Variants in KCNK13 observed in about 807,000 individuals in gnomAD.
The protein encoded by KCNK13 is potassium channel subfamily K member 13.
A neutral mutation model predicts 23.4 loss-of-function variants in KCNK13; 12 were observed. That is an observed-to-expected ratio of 0.51 (90% CI 0.33 to 0.83). The LOEUF (loss-of-function observed/expected upper bound fraction) is 0.83. Among genes scored for constraint, KCNK13 ranks in the 40% least tolerant of loss-of-function variants. KCNK13 has a pLI of 0.02. For missense variants in KCNK13, 463 were observed against 556.3 expected, an observed-to-expected ratio of 0.83 and a Z score of 1.69; for synonymous variants, 231 against 229.5, an observed-to-expected ratio of 1.01 and a Z score of -0.06.
At chr14:90,109,714 AT>A (rs78666512) in intron 1 of KCNK13, among the ~76,000 whole-genome samples, 2,449 of 114,498 alleles carry the variant, frequency 0.021, 52 homozygotes, top group African/African-American at 0.071. Context: ...CTGGCCCTTT[AT>A]TTTTTTTTTT....
intron 1 of KCNK13, among the ~76,000 whole-genome samples, chr14:90,173,154 C>A (rs143117894): frequency 2.8e-3 from 431 of 152,254 alleles, no homozygotes; most frequent in African/African-American, 0.01. Flanking sequence ...CGAATGAAAA[C>A]CACTATGTAT....
chr14:90,096,084 C>T (rs372402124), intron 1 of KCNK13, among the ~76,000 whole-genome samples: 2 of 152,196 alleles, frequency 1.3e-5, no homozygotes, highest in Non-Finnish European at 2.9e-5. Context: ...CAGGGTGAAC[C>T]ACCCTCCAGG....
chr14:90,068,600 T>C (rs1889036039), intron 1 of KCNK13, among the ~76,000 whole-genome samples: 1 of 152,046 alleles, frequency 6.6e-6, no homozygotes, highest in African/African-American at 2.4e-5. Context: ...CAAGACCCTG[T>C]CTCAAGCAAA....
chr14:90,145,895 G>A (rs572286801), intron 1 of KCNK13, among the ~76,000 whole-genome samples: 1 of 152,030 alleles, frequency 6.6e-6, no homozygotes, highest in Non-Finnish European at 1.5e-5. Context: ...CAAATACTGG[G>A]GGGGTGGGGA....
intron 1 of KCNK13, among the ~76,000 whole-genome samples, chr14:90,168,424 T>C: frequency 6.6e-6 from 1 of 152,042 alleles, no homozygotes; most frequent in Admixed American, 6.6e-5. Flanking sequence ...GATATTGTTA[T>C]CCTTTGCTGG....
At chr14:90,177,293 C>G (rs1162153063) in intron 1 of KCNK13, 1 of 152,122 alleles carries the variant, frequency 6.6e-6, no homozygotes, top group African/African-American at 2.4e-5. Flanking sequence ...TGTTCTACTC[C>G]TTCCCCCATT....
At position 90,093,327 on chromosome 14, in the gene KCNK13, G is replaced by A. The variant is rs545022085; in HGVS notation, c.334+30788G>A. Among the ~76,000 whole-genome samples, 19 of 152,324 alleles carry A rather than the reference G, an allele frequency of 1.2e-4. No individual in the cohort carries two copies. In the South Asian group the frequency reaches 3.9e-3, roughly 32 times the overall value. ...GCAGAACGTTCCCCAAACACATGGT[G>A]TAGAATTGCTATTGTTCTCCCAGCA... On this transcript the variant is annotated intron_variant, in intron 1 of 1. Coordinates refer to ENST00000282146, the MANE Select transcript of KCNK13 (RefSeq NM_022054.4).
At position 90,185,824 on chromosome 14, in the gene KCNK13, G is replaced by A. The variant is rs922108840; in HGVS notation, c.*821G>A. ...AAAGATGATGACTATTTAATAAAAT[G>A]GAAAATTTAATAAATCCTCATTTTA... On this transcript the variant is annotated 3_prime_UTR_variant, in exon 2 of 2. Coordinates refer to ENST00000282146, the MANE Select transcript of KCNK13 (RefSeq NM_022054.4). 3.3e-5 allele frequency: 5 copies of A among 152,114 alleles called. No homozygotes were observed. Among genetic ancestry groups the A allele is most frequent in the Non-Finnish European group, 7.4e-5 (5 of 68,018 alleles). The allele number at this position is 152,114 out of a possible 1,614,324, so 9.4% of individuals were successfully genotyped here. A position where few individuals can be genotyped will look rare whatever the true frequency, so the allele number is the denominator to read the frequency against.
Position 90,128,138 on chromosome 14 carries a change from G to A in KCNK13, c.335-55973G>A, listed in dbSNP as rs183067811. On this transcript the variant is annotated intron_variant, in intron 1 of 1. Coordinates refer to ENST00000282146, the MANE Select transcript of KCNK13 (RefSeq NM_022054.4). ...CCCTCTGGCCTATGGAGGAAGAACA[G>A]GAATTGTGTATCTCGTCTTTAACAC... 3.3e-5 allele frequency among the ~76,000 whole-genome samples: 5 copies of A among 152,284 alleles called. No individual in the cohort carries two copies. In the East Asian group the frequency reaches 9.6e-4, roughly 29 times the overall value.
intron 1 of KCNK13, among the ~76,000 whole-genome samples, chr14:90,138,729 G>A (rs958233637): frequency 6.6e-6 from 1 of 152,206 alleles, no homozygotes; most frequent in African/African-American, 2.4e-5. Flanking sequence ...CCAGCTGAGG[G>A]GTAAGCCCAC....
intron 1 of KCNK13, among the ~76,000 whole-genome samples, chr14:90,154,600 A>G (rs1890173729): frequency 1.3e-5 from 2 of 152,226 alleles, no homozygotes; most frequent in Admixed American, 1.3e-4. Flanking sequence ...ATTGGTTACA[A>G]TGACAGGAGA....
chr14:90,107,864 C>T (rs1289435487), intron 1 of KCNK13: 5 of 826,750 alleles, frequency 6.0e-6, no homozygotes, highest in Non-Finnish European at 1.1e-5. Context: ...TTTGGAACAG[C>T]TCACGGGAGC....
chr14:90,097,551 C>T (rs935237283), intron 1 of KCNK13, among the ~76,000 whole-genome samples: 1 of 152,158 alleles, frequency 6.6e-6, no homozygotes, highest in Non-Finnish European at 1.5e-5. Context: ...CAAATTTCAG[C>T]ATGAATTTTG....
intron 1 of KCNK13, among the ~76,000 whole-genome samples, chr14:90,149,489 C>T (rs1410170350): frequency 2.6e-5 from 4 of 152,232 alleles, no homozygotes; most frequent in Non-Finnish European, 5.9e-5. Context: ...AGGGCACATG[C>T]AGGGGAACTG....
At chr14:90,135,145 T>C (rs1367926325) in intron 1 of KCNK13, among the ~76,000 whole-genome samples, 4 of 152,212 alleles carry the variant, frequency 2.6e-5, no homozygotes, top group African/African-American at 9.7e-5. Context: ...GGTCTTCTAA[T>C]AAAAACACAC....
intron 1 of KCNK13, among the ~76,000 whole-genome samples, chr14:90,077,733 C>T (rs1409999930): frequency 6.6e-6 from 1 of 152,178 alleles, no homozygotes; most frequent in Non-Finnish European, 1.5e-5. Context: ...TGCTGCCATC[C>T]TTTTTATTAT....
chr14:90,122,395 G>GCCACCT (rs1023653608), intron 1 of KCNK13, among the ~76,000 whole-genome samples: 14 of 150,736 alleles, frequency 9.3e-5, no homozygotes, highest in Non-Finnish European at 1.5e-4. Context: ...TCAGCTCACT[G>GCCACCT]CCACCTCCAC....
intron 1 of KCNK13, among the ~76,000 whole-genome samples, chr14:90,065,557 T>C (rs1888997824): frequency 6.6e-6 from 1 of 152,178 alleles, no homozygotes; most frequent in East Asian, 1.9e-4. Flanking sequence ...GGGCAACTGG[T>C]ACCTAATCCC....
intron 1 of KCNK13, among the ~76,000 whole-genome samples, chr14:90,102,124 C>T (rs948613717): frequency 1.3e-5 from 2 of 152,132 alleles, no homozygotes; most frequent in Non-Finnish European, 2.9e-5. Context: ...CTCAGGTGAT[C>T]CACCTACCTT....
Sources: gnomAD v4.1 joint callset for allele counts (sites outside exome capture counted in the v4.1 genomes callset) on GRCh38, gnomAD v4.1.1 for gene constraint, MANE v1.5 for transcripts, NCBI Gene and HGNC (gene_info 2026-07-23, HGNC 2026-07-21) for gene names.